Variants in MGST1 observed in about 807,000 individuals in gnomAD.
MGST1 encodes glutathione S-transferase 12.
MGST1 carries 5 observed loss-of-function variants against 8.9 expected under a neutral mutation model. The observed-to-expected ratio is 0.56, with a 90% CI of 0.29 to 1.19. The LOEUF (loss-of-function observed/expected upper bound fraction) is 1.19, where lower values mean the gene tolerates loss of function less well. Among genes scored for constraint, MGST1 ranks in the 50% most tolerant of loss-of-function variants. MGST1 has a pLI of 0.08. For missense variants in MGST1, 182 were observed against 187.4 expected, an observed-to-expected ratio of 0.97 and a Z score of 0.17; for synonymous variants, 54 against 67.8, an observed-to-expected ratio of 0.80 and a Z score of 1.00.
At chr12:16,457,957 T>C (rs1941189256) in intron 4 of MGST1, among the ~76,000 whole-genome samples, 2 of 152,088 alleles carry the variant, frequency 1.3e-5, no homozygotes, top group Non-Finnish European at 2.9e-5. Flanking sequence ...ATTTTTCAGT[T>C]CTATAAATTA....
At chr12:16,421,938 T>C (rs190544846) in intron 1 of MGST1, among the ~76,000 whole-genome samples, 11 of 152,202 alleles carry the variant, frequency 7.2e-5, no homozygotes, top group South Asian at 2.1e-4. Flanking sequence ...GGATTCCACA[T>C]TGATCTCTCA....
At chr12:16,381,639 A>T (rs1262684794), downstream of MGST1, among the ~76,000 whole-genome samples, 1 of 152,072 alleles carries the variant, frequency 6.6e-6, no homozygotes, top group Non-Finnish European at 1.5e-5. Flanking sequence ...CTCGAGGAGT[A>T]TCTTTGTGGC....
At chr12:16,524,088 T>C (rs1033470124) in intron 4 of MGST1, among the ~76,000 whole-genome samples, 1 of 152,110 alleles carries the variant, frequency 6.6e-6, no homozygotes, top group African/African-American at 2.4e-5. Context: ...TAAGTTGCTA[T>C]TAAAGAATCA....
intron 3 of MGST1, among the ~76,000 whole-genome samples, chr12:16,360,834 G>C (rs1049976950): frequency 1.3e-5 from 2 of 152,196 alleles, no homozygotes; most frequent in Admixed American, 6.5e-5. Context: ...GCTAGGGGTT[G>C]AACTGGATGA....
At position 16,544,221 on chromosome 12, in the gene MGST1, TACACACACACACACACACACACACAC is replaced by T. The variant is rs3029719; in HGVS notation, n.483-45289_483-45264del. On this transcript the variant is annotated intron_variant and non_coding_transcript_variant, in intron 4 of 4. Coordinates refer to the MGST1 transcript ENST00000538857. The surrounding 1 kb of genome is among the most constrained non-coding windows in gnomAD (Gnocchi z 4.8). ...TTAAATTGACACCTTAAGTAAGAACTACACACACACACACACACACACACACACACACACACACACACAAAACATAA... is the reference window on the plus strand; with the variant it reads ...TTAAATTGACACCTTAAGTAAGAACTACACACACACACACACAAAACATAA... Among the ~76,000 whole-genome samples, 5 of 138,794 alleles carry T rather than the reference TACACACACACACACACACACACACAC, an allele frequency of 3.6e-5. No homozygotes were observed. The highest frequency in any genetic ancestry group is 7.8e-5 in the Non-Finnish European group (5 of 64,128). 91.1% of individuals were successfully genotyped at this position (138,794 alleles called of 152,430 possible). A position where few individuals can be genotyped will look rare whatever the true frequency, so the allele number is the denominator to read the frequency against.
At position 16,559,225 on chromosome 12, in the gene MGST1, A is replaced by G. The variant is rs1392929934; in HGVS notation, n.483-30303A>G. Reference sequence around the variant, plus strand: ...TCTATCAAGTGTTCTAATTTTTGAAATGTTGTATTTTTAATACGTACATTT... The same window carrying G: ...TCTATCAAGTGTTCTAATTTTTGAAGTGTTGTATTTTTAATACGTACATTT... On this transcript the variant is annotated intron_variant and non_coding_transcript_variant, in intron 4 of 4. Transcript: ENST00000538857. The surrounding 1 kb of genome is among the most constrained non-coding windows in gnomAD (Gnocchi z 4.1). 6.6e-6 allele frequency among the ~76,000 whole-genome samples: 1 copy of G among 152,214 alleles called. No homozygotes were observed. Among genetic ancestry groups the G allele is most frequent in the Non-Finnish European group, 1.5e-5 (1 of 68,022 alleles).
intron 1 of MGST1, among the ~76,000 whole-genome samples, chr12:16,412,423 T>C (rs1234616098): frequency 6.6e-6 from 1 of 152,214 alleles, no homozygotes. Flanking sequence ...GTCAGAGGCA[T>C]TTGTTGCTTG....
At chr12:16,383,764 A>G (rs934113857) in intron 1 of MGST1, among the ~76,000 whole-genome samples, 2 of 152,094 alleles carry the variant, frequency 1.3e-5, no homozygotes, top group African/African-American at 4.8e-5. Context: ...CCCGGACCTG[A>G]GTTTCTTTCT....
intron 4 of MGST1, among the ~76,000 whole-genome samples, chr12:16,562,153 A>G (rs1942430256): frequency 6.6e-6 from 1 of 152,114 alleles, no homozygotes; most frequent in Non-Finnish European, 1.5e-5. Context: ...ACCATCACCA[A>G]CTAAAGCTTT....
At chr12:16,533,472 G>T (rs1941735071) in intron 4 of MGST1, among the ~76,000 whole-genome samples, 1 of 152,068 alleles carries the variant, frequency 6.6e-6, no homozygotes, top group African/African-American at 2.4e-5. Context: ...TGTAAATTGA[G>T]CCTTGCTTTT....
intron 4 of MGST1, among the ~76,000 whole-genome samples, chr12:16,518,915 A>T (rs549083260): frequency 4.6e-5 from 7 of 152,332 alleles, no homozygotes; most frequent in African/African-American, 1.7e-4. Flanking sequence ...TCAGAACCAG[A>T]ACTAAATAGG....
chr12:16,538,444 T>C (rs543443928), intron 4 of MGST1, among the ~76,000 whole-genome samples: 16 of 152,194 alleles, frequency 1.1e-4, no homozygotes, highest in Non-Finnish European at 2.1e-4. Flanking sequence ...AGGTATCTTG[T>C]CAGGAACGCC....
intron 1 of MGST1, among the ~76,000 whole-genome samples, chr12:16,411,757 A>G (rs1940744752): frequency 6.6e-6 from 1 of 152,172 alleles, no homozygotes; most frequent in Admixed American, 6.5e-5. Flanking sequence ...ATTTTCTATG[A>G]TGATGTATAT....
chr12:16,488,618 G>A (rs893911321), intron 4 of MGST1, among the ~76,000 whole-genome samples: 3 of 151,776 alleles, frequency 2.0e-5, no homozygotes, highest in Non-Finnish European at 2.9e-5. Context: ...ATATTCTATA[G>A]CACATTTTTA....
At chr12:16,370,322 A>G (rs1940270440) in intron 3 of MGST1, 2 of 152,238 alleles carry the variant, frequency 1.3e-5, no homozygotes, top group South Asian at 4.1e-4. Flanking sequence ...CGCCTCTATA[A>G]CTAAGTTGGT....
intron 1 of MGST1, among the ~76,000 whole-genome samples, chr12:16,433,311 A>G (rs1940955599): frequency 6.6e-6 from 1 of 151,976 alleles, no homozygotes; most frequent in Non-Finnish European, 1.5e-5. Flanking sequence ...CACTGACTCA[A>G]ATATTAGTCT....
rs1941625246 is a variant in MGST1 at position 16,517,954 on chromosome 12, C to A, written n.483-71574C>A. Among the ~76,000 whole-genome samples the A allele has an allele frequency of 6.6e-6, 1 of 152,132 alleles. No individual in the cohort carries two copies. The highest frequency in any genetic ancestry group is 1.5e-5 in the Non-Finnish European group (1 of 68,012). On this transcript the variant is annotated intron_variant and non_coding_transcript_variant, in intron 4 of 4. Coordinates refer to the MGST1 transcript ENST00000538857. This position sits in a 1 kb window ranked among gnomAD's most constrained non-coding sequence, Gnocchi z 4.2. The stretch of plus-strand genomic sequence containing the variant: ...ACAATCAAATGTTGTTCTTCACACC[C>A]AAGGACCAGACACTAGGCAGTGATA...
chr12:16,414,376 T>A (rs1430123037), intron 1 of MGST1, among the ~76,000 whole-genome samples: 2 of 133,834 alleles, frequency 1.5e-5, no homozygotes, highest in Admixed American at 7.5e-5. Context: ...TTTTTTTTTT[T>A]AGGCCTCAAG....
intron 4 of MGST1, among the ~76,000 whole-genome samples, chr12:16,472,410 C>T (rs1941294676): frequency 6.6e-6 from 1 of 150,482 alleles, no homozygotes. Context: ...CCTGGTTACT[C>T]AGTTGAGTAG....
Sources: gnomAD v4.1 joint callset for allele counts (sites outside exome capture counted in the v4.1 genomes callset) on GRCh38, gnomAD v4.1.1 for gene constraint, Gnocchi (gnomAD v3.1) non-coding constraint, MANE v1.5 for transcripts, NCBI Gene and HGNC (gene_info 2026-07-23, HGNC 2026-07-21) for gene names.